SGCD: variants seen among roughly 807,000 people sequenced by gnomAD.
SGCD encodes the protein delta-sarcoglycan.
In SGCD, 18 loss-of-function variants were observed where a neutral mutation model predicts 36.6. The ratio of observed to expected loss-of-function variants is 0.49; its 90% CI spans 0.34 to 0.73. The LOEUF (loss-of-function observed/expected upper bound fraction) is 0.73, where lower values mean the gene tolerates loss of function less well. SGCD is among the 30% of genes least tolerant of loss of function. The pLI is 0.01. For synonymous variants in SGCD, 133 were observed against 130.6 expected (o/e 1.02, Z -0.12); for missense variants, 387 against 346.7 (o/e 1.12, Z -0.92).
intron 3 of SGCD, among the ~76,000 whole-genome samples, chr5:156,126,911 A>T (rs1220483306): frequency 6.6e-6 from 1 of 152,328 alleles, no homozygotes; most frequent in East Asian, 1.9e-4. Flanking sequence ...ATTTGACTTT[A>T]CTAAGTCAAA....
rs369113319 is a variant in SGCD at position 156,569,747 on chromosome 5, G to A, written c.295-19484G>A. Among the ~76,000 whole-genome samples the A allele has an allele frequency of 2.0e-5, 3 of 152,192 alleles. No individual in the cohort carries two copies. In the South Asian group the frequency reaches 6.2e-4, roughly 32 times the overall value. On this transcript the variant is annotated intron_variant, in intron 4 of 8. Coordinates refer to ENST00000337851, the MANE Select transcript of SGCD (RefSeq NM_000337.6). ...GGCAAGGAGGTCAAGGCAACCAGGT[G>A]GATATGGAGGACAGAGGGAGGCACT... is the stretch of plus-strand genomic sequence containing the variant.
rs960375557 is a variant in SGCD, at chr5:155,964,071, G to A, written c.-282+93647G>A. Among the ~76,000 whole-genome samples, 12 of 152,036 alleles carry A rather than the reference G, an allele frequency of 7.9e-5. No homozygotes were observed. In the East Asian group the frequency reaches 1.5e-3, roughly 20 times the overall value. Reference sequence around the variant, plus strand: ...ATTGCTATAGCTAGAAAACATATGCGTATATTCTAGATCTGTTTTGCTTTT... The same window carrying A: ...ATTGCTATAGCTAGAAAACATATGCATATATTCTAGATCTGTTTTGCTTTT... On this transcript the variant is annotated intron_variant, in intron 1 of 9. Transcript: ENST00000517913.
intron 1 of SGCD, among the ~76,000 whole-genome samples, chr5:155,935,946 C>T (rs1757187544): frequency 6.6e-6 from 1 of 152,154 alleles, no homozygotes; most frequent in Non-Finnish European, 1.5e-5. Flanking sequence ...GGGCAGATAG[C>T]TCCAGGCACC....
intron 6 of SGCD, among the ~76,000 whole-genome samples, chr5:156,623,683 G>A (rs961833235): frequency 6.6e-6 from 1 of 152,204 alleles, no homozygotes; most frequent in African/African-American, 2.4e-5. Flanking sequence ...GGAAAAGATT[G>A]CATTTAACTA....
chr5:156,418,000 C>T (rs1021394572), intron 3 of SGCD, among the ~76,000 whole-genome samples: 1 of 152,116 alleles, frequency 6.6e-6, no homozygotes, highest in Non-Finnish European at 1.5e-5. Flanking sequence ...ACTTTCTTAT[C>T]CATTGTCTTG....
chr5:155,840,759 C>A, the SGCD span, among the ~76,000 whole-genome samples: 6,352 of 151,148 alleles, frequency 0.042, 200 homozygotes, highest in East Asian at 0.13. Flanking sequence ...TGCCTGTAAT[C>A]CCAAAATTTA....
chr5:156,560,506 A>G (rs2113239424), intron 4 of SGCD, among the ~76,000 whole-genome samples: 1 of 152,310 alleles, frequency 6.6e-6, no homozygotes, highest in South Asian at 2.1e-4. Context: ...ATGCACCTGT[A>G]GGCTATGTTT....
At chr5:156,686,730 G>A (rs1003402561) in intron 7 of SGCD, among the ~76,000 whole-genome samples, 2 of 152,186 alleles carry the variant, frequency 1.3e-5, no homozygotes, top group Admixed American at 6.5e-5. Flanking sequence ...ACCAATTTGA[G>A]TAACTCCTTT....
the SGCD span, among the ~76,000 whole-genome samples, chr5:155,833,613 G>T: frequency 6.6e-6 from 1 of 152,172 alleles, no homozygotes; most frequent in African/African-American, 2.4e-5. Context: ...TGAAACCAAG[G>T]GGGGAAAAGT....
chr5:156,449,183 A>G (rs1160167172), intron 3 of SGCD, among the ~76,000 whole-genome samples: 1 of 152,030 alleles, frequency 6.6e-6, no homozygotes, highest in Non-Finnish European at 1.5e-5. Context: ...TCTTTAAGAG[A>G]TCAGTTCTAT....
At chr5:156,407,003 G>A (rs1290476388) in intron 3 of SGCD, among the ~76,000 whole-genome samples, 3 of 151,832 alleles carry the variant, frequency 2.0e-5, no homozygotes, top group East Asian at 1.9e-4. Flanking sequence ...CATCCAGCAC[G>A]AGAGAAAGAT....
At chr5:156,475,362 A>G (rs1561719720) in intron 3 of SGCD, among the ~76,000 whole-genome samples, 1 of 152,190 alleles carries the variant, frequency 6.6e-6, no homozygotes, top group Non-Finnish European at 1.5e-5. Flanking sequence ...TCATAGTGAC[A>G]GTTCAGACTA....
chr5:156,229,277 C>CATACATATATAT (rs1764942419), intron 3 of SGCD, among the ~76,000 whole-genome samples: 1 of 56,502 alleles, frequency 1.8e-5, no homozygotes, highest in African/African-American at 8.0e-5. Flanking sequence ...TATATACATA[C>CATACATATATAT]ATATATATAT....
chr5:156,747,669 G>A (rs537303961), intron 7 of SGCD, among the ~76,000 whole-genome samples: 6 of 152,188 alleles, frequency 3.9e-5, no homozygotes, highest in East Asian at 1.9e-4. Context: ...TGGAAGCCAC[G>A]GTCTTTTTAC....
chr5:156,160,661 T>C (rs1175710371), intron 3 of SGCD, among the ~76,000 whole-genome samples: 1 of 151,790 alleles, frequency 6.6e-6, no homozygotes, highest in African/African-American at 2.4e-5. Flanking sequence ...TAGCCCTCTA[T>C]AGCATTTACG....
At chr5:156,147,736 T>C (rs912974877) in intron 3 of SGCD, among the ~76,000 whole-genome samples, 2 of 152,240 alleles carry the variant, frequency 1.3e-5, no homozygotes, top group African/African-American at 4.8e-5. Context: ...AATCTAGTGA[T>C]GTGGCAGTTT....
chr5:156,222,072 CACTAGAACCAACAG>C (rs990415240), intron 3 of SGCD, among the ~76,000 whole-genome samples: 3 of 151,996 alleles, frequency 2.0e-5, no homozygotes, highest in African/African-American at 7.2e-5. Flanking sequence ...CATATGGCAT[CACTAGAACCAACAG>C]ATGTTGCAAG....
the SGCD span, among the ~76,000 whole-genome samples, chr5:155,735,125 G>A: frequency 6.6e-6 from 1 of 152,170 alleles, no homozygotes; most frequent in East Asian, 1.9e-4. Flanking sequence ...AGAAAAAGTG[G>A]CCATTGTCCT....
In SGCD at chr5:156,765,167, G is replaced by T. The variant is rs1414367411; in HGVS notation, c.*5777G>T. 1 of 152,168 alleles carries T rather than the reference G, an allele frequency of 6.6e-6. No homozygotes were observed. Among genetic ancestry groups the T allele is most frequent in the Non-Finnish European group, 1.5e-5 (1 of 68,048 alleles). 9.4% of individuals were successfully genotyped at this position (152,168 alleles called of 1,614,324 possible). Reference sequence around the variant, plus strand: ...CCCACATGCCTAGAGTTGTCTAATAGTCCCTCACTTTCCAATGGCTTCACA... The same window carrying T: ...CCCACATGCCTAGAGTTGTCTAATATTCCCTCACTTTCCAATGGCTTCACA... On this transcript the variant is annotated 3_prime_UTR_variant, in exon 9 of 9. Transcript: ENST00000337851.
Sources: gnomAD v4.1 joint callset for allele counts (sites outside exome capture counted in the v4.1 genomes callset) on GRCh38, gnomAD v4.1.1 for gene constraint, MANE v1.5 for transcripts, NCBI Gene and HGNC (gene_info 2026-07-23, HGNC 2026-07-21) for gene names.